ESR1: variants seen among roughly 807,000 people sequenced by gnomAD.
ESR1 encodes the protein estrogen receptor.
ESR1 carries 12 observed loss-of-function variants against 52.7 expected under a neutral mutation model. That is an observed-to-expected ratio of 0.23 (90% confidence interval 0.15 to 0.37). The LOEUF is 0.37. Among genes scored for constraint, ESR1 ranks in the 10% least tolerant of loss-of-function variants. ESR1 has a pLI of 1.00. For missense variants in ESR1, 584 were observed against 779.7 expected (o/e 0.75, Z 2.99); for synonymous variants, 305 against 316.8 (o/e 0.96, Z 0.39).
intron 6 of ESR1, among the ~76,000 whole-genome samples, chr6:152,084,781 T>G (rs1239127202): frequency 2.0e-5 from 3 of 151,990 alleles, no homozygotes; most frequent in Admixed American, 2.0e-4. Context: ...TTCTCACAAG[T>G]AGGACTTTGG....
Position 152,099,224 on chromosome 6 carries a change from T to C in ESR1, c.*258T>C. 1.9e-6 allele frequency: 1 copy of C among 534,536 alleles called. No homozygotes were observed. The highest frequency in any genetic ancestry group is 2.0e-5 in the South Asian group (1 of 49,770). 33.1% of individuals were successfully genotyped at this position (534,536 alleles called of 1,614,324 possible). On this transcript the variant is annotated 3_prime_UTR_variant, in exon 8 of 8. Transcript: ENST00000206249. ...TTCCCCCTTGCTATGTTACTAAGCG[T>C]GAGGATTCCCGTAGCTCTTCACAGC...
intron 6 of ESR1, among the ~76,000 whole-genome samples, chr6:152,080,650 A>G (rs2049119078): frequency 6.6e-6 from 1 of 152,222 alleles, no homozygotes; most frequent in Non-Finnish European, 1.5e-5. Context: ...TTCAAACATA[A>G]CAATATTAAC....
chr6:151,680,131 G>T (rs926227911), intron 1 of ESR1, among the ~76,000 whole-genome samples: 1 of 151,990 alleles, frequency 6.6e-6, no homozygotes, highest in Non-Finnish European at 1.5e-5. Flanking sequence ...CTGAGATCAG[G>T]GTGCCAGCAT....
intron 6 of ESR1, among the ~76,000 whole-genome samples, chr6:152,120,781 A>G (rs2813552): frequency 0.23 from 35,169 of 151,944 alleles, 4,216 homozygotes; most frequent in African/African-American, 0.3. Context: ...AATCTAGCAA[A>G]CCCCAGGAAC....
At chr6:152,128,678 T>C (rs1008926750) in exon 7 of ESR1, 1 of 152,264 alleles carries the variant, frequency 6.6e-6, no homozygotes, top group African/African-American at 2.4e-5. Context: ...AAATTTCCCA[T>C]TGCAGACTGC....
chr6:151,834,279 CAA>C (rs1782920916), intron 1 of ESR1, among the ~76,000 whole-genome samples: 1 of 152,120 alleles, frequency 6.6e-6, no homozygotes. Flanking sequence ...TTCACAATAG[CAA>C]AGACTTGGAA....
chr6:151,944,298 C>T lies in ESR1; in HGVS notation c.886C>T (p.Leu296Phe), dbSNP rs769618543. The change falls in exon 4 of 8, where the codon CTC becomes TTC. Residue 296 changes from leucine (L) to phenylalanine (F), a missense_variant. Leu to Phe is a conservative substitution (Grantham distance 22). Transcript: ENST00000206249. Reference protein sequence around the residue: ...MRAANLWPSPLMIKRSKKNSL... With the variant: ...MRAANLWPSPFMIKRSKKNSL... Reference sequence around the variant, plus strand: ...AGCTGCCAACCTTTGGCCAAGCCCGCTCATGATCAAACGCTCTAAGAAGAA... The same window carrying T: ...AGCTGCCAACCTTTGGCCAAGCCCGTTCATGATCAAACGCTCTAAGAAGAA... The T allele has an allele frequency of 1.9e-6, 3 of 1,614,186 alleles. No individual in the cohort carries two copies. In the Admixed American group the frequency reaches 5.0e-5, roughly 27 times the overall value.
rs929710242 is a variant in ESR1, at chr6:151,808,467, G to A, written c.452+103G>A. On this transcript the variant is annotated intron_variant, in intron 1 of 7. Transcript: ENST00000206249. ...AGCCTAGGGAGCTGCGGGAGCCGCG[G>A]GACGCGCGACCCGAGGGTGCGCGCA... 27 of 1,107,256 alleles carry A rather than the reference G, an allele frequency of 2.4e-5. 1 individual carries two copies. The East Asian group carries it at 5.7e-4, about 23-fold the overall frequency. 68.6% of individuals were successfully genotyped at this position (1,107,256 alleles called of 1,614,324 possible).
At chr6:151,713,583 A>G (rs1188080167) in intron 2 of ESR1, among the ~76,000 whole-genome samples, 5 of 152,212 alleles carry the variant, frequency 3.3e-5, no homozygotes, top group South Asian at 2.1e-4. Context: ...GTATGTGTCC[A>G]GGAATTTATC....
intron 4 of ESR1, among the ~76,000 whole-genome samples, chr6:151,945,023 C>G (rs933546197): frequency 2.0e-5 from 3 of 152,052 alleles, no homozygotes; most frequent in Non-Finnish European, 4.4e-5. Context: ...TGAGGCCATC[C>G]GGGGCAACGT....
intron 5 of ESR1, among the ~76,000 whole-genome samples, chr6:152,022,649 C>G (rs1584861632): frequency 6.6e-6 from 1 of 151,998 alleles, no homozygotes; most frequent in South Asian, 2.1e-4. Context: ...TACAAAGTTC[C>G]TTGTTCCAAA....
intron 3 of ESR1, among the ~76,000 whole-genome samples, chr6:151,927,974 T>C (rs2033018200): frequency 6.6e-6 from 1 of 152,190 alleles, no homozygotes; most frequent in South Asian, 2.1e-4. Flanking sequence ...TCTGCCTGCC[T>C]CGGCCTCCCA....
At chr6:152,054,280 T>G (rs1024654806) in intron 5 of ESR1, among the ~76,000 whole-genome samples, 1 of 152,176 alleles carries the variant, frequency 6.6e-6, no homozygotes, top group Non-Finnish European at 1.5e-5. Context: ...TTTCTTGCTT[T>G]CTTTTATCAT....
intron 6 of ESR1, among the ~76,000 whole-genome samples, chr6:152,063,860 C>T (rs1014906027): frequency 2.6e-5 from 4 of 152,210 alleles, no homozygotes; most frequent in Non-Finnish European, 5.9e-5. Flanking sequence ...GAGCCCCAGT[C>T]GCCAAGGTCT....
chr6:151,782,786 A>G (rs1786671201), intron 2 of ESR1, among the ~76,000 whole-genome samples: 1 of 152,222 alleles, frequency 6.6e-6, no homozygotes, highest in Admixed American at 6.5e-5. Flanking sequence ...CCAAATGTGG[A>G]AAAATGTTAA....
At chr6:152,122,562 G>A (rs751821346) in intron 6 of ESR1, 1 of 1,614,216 alleles carries the variant, frequency 6.2e-7, no homozygotes, top group African/African-American at 1.3e-5. Flanking sequence ...CGATGAGGAG[G>A]AGCAGGAGAA....
intron 2 of ESR1, among the ~76,000 whole-genome samples, chr6:151,724,587 T>C (rs73780853): frequency 9.4e-5 from 14 of 149,718 alleles, no homozygotes; most frequent in East Asian, 2.0e-4. Context: ...CACACACACA[T>C]ACACACACAC....
intron 6 of ESR1, among the ~76,000 whole-genome samples, chr6:152,119,211 G>A (rs2051246712): frequency 6.6e-6 from 1 of 152,160 alleles, no homozygotes; most frequent in South Asian, 2.1e-4. Context: ...TGGGGTGTAG[G>A]CTATCAATCA....
In ESR1 at chr6:151,810,338, A is replaced by AT. The variant is rs200431201; in HGVS notation, c.452+1979dup. Among the ~76,000 whole-genome samples the AT allele has an allele frequency of 3.1e-3, 465 of 152,132 alleles. 12 individuals carry two copies. The highest frequency in any genetic ancestry group is 0.026 in the Admixed American group (398 of 15,274). The stretch of plus-strand genomic sequence containing the variant: ...TGTGTGGAAATTCAGTTTTAGAATG[A>AT]TTTTTCCTGTGTTTTATTTCCCGGA... On this transcript the variant is annotated intron_variant, in intron 1 of 7. Transcript: ENST00000206249.
Sources: gnomAD v4.1 joint callset for allele counts (sites outside exome capture counted in the v4.1 genomes callset) on GRCh38, gnomAD v4.1.1 for gene constraint, MANE v1.5 for transcripts, NCBI Gene and HGNC (gene_info 2026-07-23, HGNC 2026-07-21) for gene names.